ASAP1: variants seen among roughly 807,000 people sequenced by gnomAD.
ASAP1 encodes ArfGAP with SH3 domain, ankyrin repeat and PH domain 1.
In ASAP1, 43 loss-of-function variants were observed where a neutral mutation model predicts 145.2. That is an observed-to-expected ratio of 0.30 (90% confidence interval 0.23 to 0.38). The LOEUF (loss-of-function observed/expected upper bound fraction) is 0.38, where lower values mean the gene tolerates loss of function less well. Ranked by LOEUF, ASAP1 falls within the 10% of genes least tolerant of loss-of-function variation. The pLI is 1.00. For missense variants in ASAP1, 1,018 were observed against 1,355.3 expected, an observed-to-expected ratio of 0.75 and a Z score of 3.91; for synonymous variants, 546 against 515.5, an observed-to-expected ratio of 1.06 and a Z score of -0.80.
At chr8:130,421,483 G>T (rs1829715052) in intron 1 of ASAP1, among the ~76,000 whole-genome samples, 1 of 152,190 alleles carries the variant, frequency 6.6e-6, no homozygotes, top group South Asian at 2.1e-4. Context: ...GTGACCATGT[G>T]TCAGACTTCT....
At chr8:130,080,789 C>A (rs765023604) in intron 25 of ASAP1, among the ~76,000 whole-genome samples, 1 of 152,052 alleles carries the variant, frequency 6.6e-6, no homozygotes, top group African/African-American at 2.4e-5. Flanking sequence ...TATACCACCA[C>A]GCCCAGCTAA....
At chr8:130,214,512 T>C (rs370427586) in intron 5 of ASAP1, 44 bp downstream of exon 5, 3 of 1,529,242 alleles carry the variant, frequency 2.0e-6, no homozygotes, top group African/African-American at 1.4e-5. Flanking sequence ...CGTAATATTT[T>C]GGAAAGGCTG....
At chr8:130,132,801 C>T (rs1189510080) in intron 15 of ASAP1, among the ~76,000 whole-genome samples, 1 of 151,718 alleles carries the variant, frequency 6.6e-6, no homozygotes, top group African/African-American at 2.4e-5. Context: ...CATCCTTTTC[C>T]TTTGTCTTTC....
At chr8:130,164,635 A>T (rs1238479867) in intron 11 of ASAP1, among the ~76,000 whole-genome samples, 1 of 152,222 alleles carries the variant, frequency 6.6e-6, no homozygotes, top group Non-Finnish European at 1.5e-5. Context: ...ACAGTTATAT[A>T]GCAAATAGTT....
chr8:130,096,169 A>G (rs139381484), intron 24 of ASAP1, among the ~76,000 whole-genome samples: 1 of 152,320 alleles, frequency 6.6e-6, no homozygotes, highest in East Asian at 1.9e-4. Flanking sequence ...AATACTATAT[A>G]TAAGACCCCA....
intron 2 of ASAP1, chr8:130,360,723 G>C (rs77225402): frequency 0.017 from 2,547 of 152,260 alleles, 37 homozygotes; most frequent in East Asian, 0.063. Context: ...GCTTGGTTTG[G>C]GACACACCAA....
intron 15 of ASAP1, among the ~76,000 whole-genome samples, chr8:130,131,027 C>G (rs529594956): frequency 3.9e-5 from 6 of 152,078 alleles, no homozygotes; most frequent in East Asian, 1.9e-4. Context: ...CGTGGTGGCA[C>G]GCGCCTGTAG....
At chr8:130,425,952 T>C (rs1370118472) in intron 1 of ASAP1, among the ~76,000 whole-genome samples, 1 of 152,180 alleles carries the variant, frequency 6.6e-6, no homozygotes, top group Non-Finnish European at 1.5e-5. Flanking sequence ...TCCCCACCAC[T>C]GCCGCTGCTT....
intron 2 of ASAP1, among the ~76,000 whole-genome samples, chr8:130,400,919 C>T (rs1030217918): frequency 6.6e-6 from 1 of 152,072 alleles, no homozygotes; most frequent in Admixed American, 6.6e-5. Context: ...TCATTCTTGA[C>T]CCCCAGGCTG....
intron 13 of ASAP1, among the ~76,000 whole-genome samples, chr8:130,141,215 C>T (rs780041164): frequency 5.9e-5 from 9 of 152,152 alleles, no homozygotes; most frequent in Non-Finnish European, 8.8e-5. Flanking sequence ...TCTATTGAGT[C>T]CTTGCTGTTG....
chr8:130,150,704 C>T (rs929420988), intron 13 of ASAP1, among the ~76,000 whole-genome samples: 3 of 151,968 alleles, frequency 2.0e-5, no homozygotes, highest in Non-Finnish European at 4.4e-5. Flanking sequence ...ACAGCGAAAC[C>T]CCTACCTCTA....
chr8:130,201,296 T>A (rs1815853169), intron 5 of ASAP1, among the ~76,000 whole-genome samples: 1 of 152,174 alleles, frequency 6.6e-6, no homozygotes, highest in African/African-American at 2.4e-5. Context: ...CTCTGGAAGA[T>A]CTGGGAAAGG....
At chr8:130,216,602 T>C (rs1170859376) in intron 4 of ASAP1, among the ~76,000 whole-genome samples, 1 of 152,192 alleles carries the variant, frequency 6.6e-6, no homozygotes, top group African/African-American at 2.4e-5. Flanking sequence ...GACCTCATCA[T>C]GTTGAGGCCC....
chr8:130,188,723 CAAAAAAAAA>C (rs370580190), intron 5 of ASAP1, among the ~76,000 whole-genome samples: 1 of 83,844 alleles, frequency 1.2e-5, no homozygotes, highest in East Asian at 4.0e-4. Context: ...GAGACTCTCT[CAAAAAAAAA>C]AAAAAAAAAA....
intron 3 of ASAP1, among the ~76,000 whole-genome samples, chr8:130,289,124 T>C (rs868497556): frequency 6.6e-6 from 1 of 152,088 alleles, no homozygotes; most frequent in Non-Finnish European, 1.5e-5. Flanking sequence ...AGGCATAGGT[T>C]GCAGTGAGCC....
intron 9 of ASAP1, among the ~76,000 whole-genome samples, chr8:130,169,366 T>C (rs1301993907): frequency 6.6e-6 from 1 of 152,224 alleles, no homozygotes; most frequent in African/African-American, 2.4e-5. Context: ...TTTCATAACG[T>C]ACATATGCAT....
At chr8:130,165,905 C>A (rs546034716) in intron 11 of ASAP1, among the ~76,000 whole-genome samples, 1 of 152,284 alleles carries the variant, frequency 6.6e-6, no homozygotes, top group Non-Finnish European at 1.5e-5. Flanking sequence ...AAACCCCTTT[C>A]AGAAATTTTA....
intron 1 of ASAP1, among the ~76,000 whole-genome samples, chr8:130,421,980 G>T (rs1188198868): frequency 6.6e-6 from 1 of 152,160 alleles, no homozygotes; most frequent in Non-Finnish European, 1.5e-5. Context: ...ACAAAATAGT[G>T]GGGGAGACAG....
intron 13 of ASAP1, among the ~76,000 whole-genome samples, chr8:130,151,611 G>A (rs191781344): frequency 7.2e-5 from 11 of 152,260 alleles, no homozygotes; most frequent in Admixed American, 3.3e-4. Flanking sequence ...AGTGTGCTGC[G>A]AGGGGCAAGG....
Sources: allele counts gnomAD v4.1 joint callset (sites outside exome capture counted in the v4.1 genomes callset), GRCh38; gene constraint gnomAD v4.1.1; transcripts MANE v1.5; gene names NCBI Gene and HGNC (gene_info 2026-07-23, HGNC 2026-07-21).